The following KCNQ5 variants were observed in gnomAD, a reference collection of about 807,000 sequenced individuals.
KCNQ5 encodes potassium voltage-gated channel subfamily KQT member 5.
KCNQ5 carries 30 observed loss-of-function variants against 98.2 expected under a neutral mutation model. The observed-to-expected ratio is 0.31, with a 90% CI of 0.23 to 0.41. KCNQ5 has a LOEUF of 0.41. Among genes scored for constraint, KCNQ5 ranks in the 10% least tolerant of loss-of-function variants. KCNQ5 has a pLI of 1.00. For missense variants in KCNQ5, 835 were observed against 1,182.5 expected (o/e 0.71, Z 4.31); for synonymous variants, 458 against 449.4 (o/e 1.02, Z -0.24).
At chr6:72,719,853 C>A (rs1011512507) in intron 1 of KCNQ5, among the ~76,000 whole-genome samples, 10 of 152,282 alleles carry the variant, frequency 6.6e-5, no homozygotes, top group African/African-American at 2.4e-4. Context: ...GGGACTGACA[C>A]CCCAGACTTG....
At chr6:72,857,535 G>C (rs963775487) in intron 1 of KCNQ5, among the ~76,000 whole-genome samples, 4 of 152,154 alleles carry the variant, frequency 2.6e-5, no homozygotes, top group Non-Finnish European at 4.4e-5. Flanking sequence ...CTTTTCAATT[G>C]CCTCAGTAAT....
At chr6:72,801,780 A>C (rs1410859917) in intron 1 of KCNQ5, among the ~76,000 whole-genome samples, 3 of 151,862 alleles carry the variant, frequency 2.0e-5, no homozygotes, top group Non-Finnish European at 2.9e-5. Flanking sequence ...GTTCCTTTCT[A>C]TGTTTAGTGC....
chr6:73,078,267 T>C (rs1773617612), intron 5 of KCNQ5, among the ~76,000 whole-genome samples: 1 of 152,044 alleles, frequency 6.6e-6, no homozygotes, highest in African/African-American at 2.4e-5. Context: ...AAAGTTTATC[T>C]GGGGTTAAAA....
At position 72,773,332 on chromosome 6, in the gene KCNQ5, G is replaced by T. The variant is rs560724475; in HGVS notation, c.398+150745G>T. 2.6e-5 allele frequency among the ~76,000 whole-genome samples: 4 copies of T among 152,210 alleles called. No individual in the cohort carries two copies. The South Asian group carries it at 8.3e-4, about 32-fold the overall frequency. Reference sequence around the variant, plus strand: ...AAGGATGAGTTCATGTCCTGTGCAGGGACATGGATGAAGCTGGAAACCATC... The same window carrying T: ...AAGGATGAGTTCATGTCCTGTGCAGTGACATGGATGAAGCTGGAAACCATC... On this transcript the variant is annotated intron_variant, in intron 1 of 13. Coordinates refer to ENST00000370398, the MANE Select transcript of KCNQ5 (RefSeq NM_019842.4).
At chr6:73,063,492 T>C (rs1772875801) in intron 3 of KCNQ5, among the ~76,000 whole-genome samples, 1 of 152,084 alleles carries the variant, frequency 6.6e-6, no homozygotes, top group Non-Finnish European at 1.5e-5. Flanking sequence ...TAAACAGCAA[T>C]ACATAAAAGT....
At chr6:73,114,808 T>C (rs372589598) in intron 7 of KCNQ5, among the ~76,000 whole-genome samples, 71 of 152,276 alleles carry the variant, frequency 4.7e-4, no homozygotes, top group African/African-American at 1.5e-3. Context: ...GTTTGTGAAA[T>C]AAATGTTGGT....
intron 10 of KCNQ5, among the ~76,000 whole-genome samples, chr6:73,143,252 C>A (rs1390480558): frequency 6.6e-6 from 1 of 152,132 alleles, no homozygotes; most frequent in Admixed American, 6.5e-5. Context: ...AACCAGAAAA[C>A]CTCTAAGAAA....
intron 1 of KCNQ5, among the ~76,000 whole-genome samples, chr6:72,956,696 G>A (rs996256602): frequency 6.6e-6 from 1 of 151,678 alleles, no homozygotes; most frequent in African/African-American, 2.4e-5. Flanking sequence ...ATGAGCTGCT[G>A]TACCCAGCCT....
chr6:72,687,973 G>C (rs1308848225), intron 1 of KCNQ5, among the ~76,000 whole-genome samples: 2 of 151,840 alleles, frequency 1.3e-5, no homozygotes, highest in African/African-American at 4.8e-5. Flanking sequence ...CAAGTAGCTG[G>C]GACTACAGGT....
intron 1 of KCNQ5, among the ~76,000 whole-genome samples, chr6:72,652,964 C>T (rs530494571): frequency 2.8e-4 from 42 of 152,172 alleles, no homozygotes; most frequent in African/African-American, 9.4e-4. Flanking sequence ...ATGCTGTTTA[C>T]AGCATTCTGT....
intron 1 of KCNQ5, among the ~76,000 whole-genome samples, chr6:72,843,577 A>G (rs368543208): frequency 2.6e-4 from 40 of 152,306 alleles, no homozygotes; most frequent in African/African-American, 6.5e-4. Flanking sequence ...TTTGGGCAGT[A>G]TGGCCATTTT....
intron 1 of KCNQ5, among the ~76,000 whole-genome samples, chr6:72,903,254 T>C (rs1485813323): frequency 6.6e-6 from 1 of 152,232 alleles, no homozygotes; most frequent in Non-Finnish European, 1.5e-5. Flanking sequence ...TAATGGTCTA[T>C]CAATTTGATT....
At chr6:72,931,025 A>G (rs1765671814) in intron 1 of KCNQ5, among the ~76,000 whole-genome samples, 1 of 152,092 alleles carries the variant, frequency 6.6e-6, no homozygotes. Context: ...ATCATTGACT[A>G]TGGTTTACTT....
intron 1 of KCNQ5, among the ~76,000 whole-genome samples, chr6:72,937,425 A>T (rs1765991372): frequency 6.6e-6 from 1 of 152,234 alleles, no homozygotes. Context: ...TTTAAAGGAA[A>T]GTTATGCTTG....
At chr6:72,913,943 C>G (rs114895504) in intron 1 of KCNQ5, among the ~76,000 whole-genome samples, 1 of 152,072 alleles carries the variant, frequency 6.6e-6, no homozygotes, top group African/African-American at 2.4e-5. Context: ...CTTAACAAGG[C>G]GTGTTTGTTC....
rs1479165424 is a variant in KCNQ5 at position 72,987,365 on chromosome 6, C to G, written c.399-16543C>G. On this transcript the variant is annotated intron_variant, in intron 1 of 13. Transcript: ENST00000370398. ...GGCGAAAGGCCTTGCAAGGAGAGAT[C>G]GATCGAGAGTCAGGCAAAACGGAAG... is the stretch of plus-strand genomic sequence containing the variant. The G allele has an allele frequency of 1.8e-4, 129 of 718,846 alleles. 2 individuals carry two copies. The Admixed American group carries it at 2.2e-3, about 12-fold the overall frequency. The allele number at this position is 718,846 out of a possible 1,614,324, so 44.5% of individuals were successfully genotyped here. A position where few individuals can be genotyped will look rare whatever the true frequency, so the allele number is the denominator to read the frequency against.
intron 5 of KCNQ5, among the ~76,000 whole-genome samples, chr6:73,082,727 C>T (rs1773829664): frequency 6.6e-6 from 1 of 152,140 alleles, no homozygotes; most frequent in Admixed American, 6.6e-5. Flanking sequence ...GCTCTCAGAA[C>T]TTATTTCCTC....
chr6:73,084,411 T>C (rs1212894215), intron 5 of KCNQ5, among the ~76,000 whole-genome samples: 2 of 152,220 alleles, frequency 1.3e-5, no homozygotes, highest in Non-Finnish European at 2.9e-5. Context: ...GCTCTGGCTC[T>C]TTAACTTCAT....
At chr6:73,048,822 A>C (rs998615181) in intron 3 of KCNQ5, among the ~76,000 whole-genome samples, 5 of 152,186 alleles carry the variant, frequency 3.3e-5, no homozygotes, top group African/African-American at 1.2e-4. Flanking sequence ...AATGTGATGG[A>C]AACTTTTTTA....
Sources: allele counts gnomAD v4.1 joint callset (sites outside exome capture counted in the v4.1 genomes callset), GRCh38; gene constraint gnomAD v4.1.1; transcripts MANE v1.5; gene names NCBI Gene and HGNC (gene_info 2026-07-23, HGNC 2026-07-21).